PLCXD3: variants seen among roughly 807,000 people sequenced by gnomAD.
PLCXD3 encodes the protein PI-PLC X domain-containing protein 3.
A neutral mutation model predicts 25.5 loss-of-function variants in PLCXD3; 19 were observed. The ratio of observed to expected loss-of-function variants is 0.75; its 90% CI spans 0.52 to 1.09. The LOEUF (loss-of-function observed/expected upper bound fraction) is 1.09, where lower values mean the gene tolerates loss of function less well. Ranked by LOEUF, PLCXD3 falls within the 50% of genes least tolerant of loss-of-function variation. The probability of loss-of-function intolerance (pLI) is 0.00; values close to 1 mark genes in which losing one functional copy is unlikely to be tolerated. For synonymous variants in PLCXD3, 174 were observed against 137.6 expected (o/e 1.26, Z -1.85); for missense variants, 411 against 388.1 (o/e 1.06, Z -0.50).
chr5:41,358,512 T>A (rs1744683709), intron 2 of PLCXD3, among the ~76,000 whole-genome samples: 1 of 152,190 alleles, frequency 6.6e-6, no homozygotes, highest in Non-Finnish European at 1.5e-5. Context: ...TGCCTTTGCA[T>A]CCTCATAGCT....
At chr5:41,435,299 T>C (rs112914833) in intron 1 of PLCXD3, among the ~76,000 whole-genome samples, 3,508 of 152,318 alleles carry the variant, frequency 0.023, 56 homozygotes, top group Non-Finnish European at 0.034. Flanking sequence ...ACTAATCCCA[T>C]GTGGAGGAAA....
At chr5:41,444,428 T>C (rs1180473646) in intron 1 of PLCXD3, among the ~76,000 whole-genome samples, 2 of 152,150 alleles carry the variant, frequency 1.3e-5, no homozygotes, top group Non-Finnish European at 2.9e-5. Flanking sequence ...TCAGCTAGCA[T>C]CAGCCAACAT....
chr5:41,503,789 T>C (rs1330039956), intron 1 of PLCXD3, among the ~76,000 whole-genome samples: 3 of 152,140 alleles, frequency 2.0e-5, no homozygotes, highest in Non-Finnish European at 4.4e-5. Flanking sequence ...GTCTATAAAC[T>C]TCTTGAGGAC....
intron 2 of PLCXD3, among the ~76,000 whole-genome samples, chr5:41,360,193 A>T (rs1033082634): frequency 3.9e-5 from 6 of 151,918 alleles, no homozygotes; most frequent in Admixed American, 3.9e-4. Flanking sequence ...AGAAATTGTG[A>T]TTGTTTTTTA....
chr5:41,410,713 C>G (rs373233298), intron 1 of PLCXD3, among the ~76,000 whole-genome samples: 22 of 152,214 alleles, frequency 1.4e-4, no homozygotes, highest in African/African-American at 4.6e-4. Context: ...GGACCTAAAA[C>G]TGAGCATCAA....
At chr5:41,372,628 C>G (rs1745137534) in intron 2 of PLCXD3, among the ~76,000 whole-genome samples, 1 of 152,156 alleles carries the variant, frequency 6.6e-6, no homozygotes, top group South Asian at 2.1e-4. Flanking sequence ...GTCATACAGT[C>G]TCACAACTGT....
chr5:41,451,737 A>T (rs1451791371), intron 1 of PLCXD3, among the ~76,000 whole-genome samples: 2 of 151,648 alleles, frequency 1.3e-5, no homozygotes, highest in African/African-American at 4.8e-5. Context: ...GGGAAACTGG[A>T]CCCTAAGAAC....
intron 2 of PLCXD3, among the ~76,000 whole-genome samples, chr5:41,347,207 G>A (rs1011317220): frequency 6.6e-6 from 1 of 151,972 alleles, no homozygotes; most frequent in African/African-American, 2.4e-5. Context: ...TCAAAGTCGT[G>A]GTATCTTGTT....
intron 2 of PLCXD3, among the ~76,000 whole-genome samples, chr5:41,380,529 T>C (rs978107018): frequency 6.6e-6 from 1 of 152,100 alleles, no homozygotes; most frequent in Admixed American, 6.6e-5. Context: ...GCTCACAGGA[T>C]GAGGTTCTCT....
intron 2 of PLCXD3, among the ~76,000 whole-genome samples, chr5:41,327,218 G>A (rs1357321307): frequency 6.6e-6 from 1 of 152,102 alleles, no homozygotes; most frequent in Non-Finnish European, 1.5e-5. Flanking sequence ...AACTAGAGGG[G>A]ACATGGGGAC....
chr5:41,435,518 G>A (rs116223417), intron 1 of PLCXD3, among the ~76,000 whole-genome samples: 3,360 of 152,274 alleles, frequency 0.022, 131 homozygotes, highest in African/African-American at 0.077. Context: ...AGTGCACTGG[G>A]CTAGATGGGA....
At chr5:41,455,172 C>A (rs943116204) in intron 1 of PLCXD3, among the ~76,000 whole-genome samples, 1 of 151,922 alleles carries the variant, frequency 6.6e-6, no homozygotes, top group African/African-American at 2.4e-5. Flanking sequence ...CAAAGCCTAA[C>A]CATATCACCA....
chr5:41,337,798 A>G (rs928415488), intron 2 of PLCXD3, among the ~76,000 whole-genome samples: 1 of 152,090 alleles, frequency 6.6e-6, no homozygotes. Flanking sequence ...TAATTCTATA[A>G]TTTCCTCCTG....
intron 1 of PLCXD3, among the ~76,000 whole-genome samples, chr5:41,493,637 G>A (rs1026052181): frequency 7.9e-5 from 12 of 152,234 alleles, no homozygotes; most frequent in African/African-American, 2.4e-4. Flanking sequence ...CCTGGGCAAT[G>A]GTGGGCACCC....
intron 1 of PLCXD3, among the ~76,000 whole-genome samples, chr5:41,431,171 C>T (rs1187110895): frequency 6.6e-6 from 1 of 152,156 alleles, no homozygotes; most frequent in Non-Finnish European, 1.5e-5. Context: ...TTATCTCTAA[C>T]TGTCGATGTT....
intron 1 of PLCXD3, among the ~76,000 whole-genome samples, chr5:41,412,199 C>T (rs1054585162): frequency 1.3e-5 from 2 of 151,968 alleles, no homozygotes; most frequent in Non-Finnish European, 2.9e-5. Context: ...TGTTTGGTCT[C>T]TTTAGGAAAA....
Position 41,328,197 on chromosome 5 carries a change from A to G in PLCXD3, c.813-14427T>C, listed in dbSNP as rs1580302225. On this transcript the variant is annotated intron_variant, in intron 2 of 2. Coordinates refer to ENST00000377801, the MANE Select transcript of PLCXD3 (RefSeq NM_001005473.3). ...CATCTATAAAGTGGGCATAATAATGAGGATTAAATTAGTTAGTACATGTAG... is the reference window on the plus strand; with the variant it reads ...CATCTATAAAGTGGGCATAATAATGGGGATTAAATTAGTTAGTACATGTAG... 5.9e-5 allele frequency among the ~76,000 whole-genome samples: 9 copies of G among 152,274 alleles called. No homozygotes were observed. The South Asian group carries it at 1.9e-3, about 32-fold the overall frequency.
At chr5:41,417,550 C>A (rs1300651483) in intron 1 of PLCXD3, among the ~76,000 whole-genome samples, 1 of 152,222 alleles carries the variant, frequency 6.6e-6, no homozygotes, top group African/African-American at 2.4e-5. Flanking sequence ...AATCAGGACT[C>A]TGGGAAATCC....
intron 2 of PLCXD3, among the ~76,000 whole-genome samples, chr5:41,330,897 C>G (rs543487688): frequency 6.6e-6 from 1 of 152,096 alleles, no homozygotes; most frequent in African/African-American, 2.4e-5. Flanking sequence ...ATTCAACAAC[C>G]CTTCATGCTA....
Sources: gnomAD v4.1 joint callset for allele counts (sites outside exome capture counted in the v4.1 genomes callset) on GRCh38, gnomAD v4.1.1 for gene constraint, MANE v1.5 for transcripts, NCBI Gene and HGNC (gene_info 2026-07-23, HGNC 2026-07-21) for gene names.